Variants in NRG3 observed in about 807,000 individuals in gnomAD.
NRG3 encodes the protein pro-neuregulin-3, membrane-bound isoform.
NRG3 carries 31 observed loss-of-function variants against 66.9 expected under a neutral mutation model. That is an observed-to-expected ratio of 0.46 (90% CI 0.35 to 0.63). The LOEUF is 0.63. Ranked by LOEUF, NRG3 falls within the 20% of genes least tolerant of loss-of-function variation. NRG3 has a pLI of 0.00. For missense variants in NRG3, 910 were observed against 878.9 expected, an observed-to-expected ratio of 1.04 and a Z score of -0.45; for synonymous variants, 393 against 359.4, an observed-to-expected ratio of 1.09 and a Z score of -1.06.
At chr10:82,281,031 A>C (rs2079095019) in intron 1 of NRG3, among the ~76,000 whole-genome samples, 1 of 152,202 alleles carries the variant, frequency 6.6e-6, no homozygotes, top group African/African-American at 2.4e-5. Context: ...TCTTTTGTGC[A>C]AAATGGCCCT....
At chr10:82,365,544 A>T (rs1342527778) in intron 2 of NRG3, among the ~76,000 whole-genome samples, 1 of 152,222 alleles carries the variant, frequency 6.6e-6, no homozygotes. Context: ...TTGTCATGAT[A>T]GTCTTAGAAA....
chr10:82,504,029 G>A (rs1371638598), intron 2 of NRG3, among the ~76,000 whole-genome samples: 1 of 152,122 alleles, frequency 6.6e-6, no homozygotes. Flanking sequence ...CTGAAATACT[G>A]CCTGTAGAAG....
intron 2 of NRG3, among the ~76,000 whole-genome samples, chr10:82,437,694 G>T (rs2090216185): frequency 6.6e-6 from 1 of 152,094 alleles, no homozygotes; most frequent in African/African-American, 2.4e-5. Context: ...GGTCTTTGAG[G>T]TTGCTGATCC....
At chr10:82,132,806 T>TTGTA (rs1458872340) in intron 1 of NRG3, among the ~76,000 whole-genome samples, 1 of 151,492 alleles carries the variant, frequency 6.6e-6, no homozygotes, top group Admixed American at 6.6e-5. Context: ...TCTTGGTAGG[T>TTGTA]TGTATGTATC....
intron 2 of NRG3, among the ~76,000 whole-genome samples, chr10:82,544,556 GT>G (rs910172488): frequency 3.3e-5 from 5 of 152,114 alleles, no homozygotes; most frequent in African/African-American, 1.2e-4. Flanking sequence ...GATTGGGTTT[GT>G]TCTCACTTGT....
chr10:82,836,170 T>C (rs1417099171), intron 3 of NRG3, among the ~76,000 whole-genome samples: 1 of 152,176 alleles, frequency 6.6e-6, no homozygotes, highest in Non-Finnish European at 1.5e-5. Flanking sequence ...CTATTGTCTA[T>C]GGTGGCTTTA....
chr10:82,620,190 T>C (rs1368925976), intron 2 of NRG3, among the ~76,000 whole-genome samples: 1 of 152,150 alleles, frequency 6.6e-6, no homozygotes, highest in East Asian at 1.9e-4. Context: ...CATTGTTATG[T>C]TATCAGCTCA....
At chr10:82,119,399 T>C (rs985845781) in intron 1 of NRG3, among the ~76,000 whole-genome samples, 1 of 152,172 alleles carries the variant, frequency 6.6e-6, no homozygotes, top group African/African-American at 2.4e-5. Context: ...TATAAAATGA[T>C]GGAAGGTTTT....
At chr10:82,719,406 A>G (rs2057164419) in intron 2 of NRG3, among the ~76,000 whole-genome samples, 1 of 152,238 alleles carries the variant, frequency 6.6e-6, no homozygotes, top group South Asian at 2.1e-4. Flanking sequence ...TATAGAATAT[A>G]TGGTCAAGCC....
chr10:82,811,308 C>G (rs2061484726), intron 3 of NRG3, among the ~76,000 whole-genome samples: 1 of 152,194 alleles, frequency 6.6e-6, no homozygotes, highest in African/African-American at 2.4e-5. Context: ...ATCACCAGAG[C>G]CTACTTCTGT....
intron 1 of NRG3, among the ~76,000 whole-genome samples, chr10:82,169,162 C>G (rs930118818): frequency 2.0e-5 from 3 of 152,010 alleles, no homozygotes; most frequent in Admixed American, 2.0e-4. Context: ...TTTATTTCAG[C>G]TTCATATTGG....
chr10:81,916,185 G>A (rs917357563), intron 1 of NRG3, among the ~76,000 whole-genome samples: 2 of 152,116 alleles, frequency 1.3e-5, no homozygotes, highest in Non-Finnish European at 2.9e-5. Flanking sequence ...CTTATGGCTA[G>A]TGGGGACCAT....
chr10:82,957,436 A>G (rs151196424), intron 5 of NRG3, among the ~76,000 whole-genome samples: 1 of 151,870 alleles, frequency 6.6e-6, no homozygotes, highest in Non-Finnish European at 1.5e-5. Context: ...GTTGGAAGAC[A>G]GGCAAAATTC....
chr10:82,843,589 T>A (rs558382392), intron 3 of NRG3, among the ~76,000 whole-genome samples: 1 of 152,352 alleles, frequency 6.6e-6, no homozygotes, highest in East Asian at 1.9e-4. Flanking sequence ...CTTAAGCATA[T>A]TAGTTATTAA....
chr10:81,999,331 CTT>C (rs2061074158), intron 1 of NRG3, among the ~76,000 whole-genome samples: 1 of 152,120 alleles, frequency 6.6e-6, no homozygotes, highest in African/African-American at 2.4e-5. Context: ...ATTTCTAAAA[CTT>C]ATCCCAAAAT....
chr10:82,196,027 G>T (rs993942573), intron 1 of NRG3, among the ~76,000 whole-genome samples: 10 of 152,190 alleles, frequency 6.6e-5, no homozygotes, highest in African/African-American at 2.2e-4. Flanking sequence ...TGTGTGTGCT[G>T]TTTTAAGCCA....
At chr10:82,927,548 G>A (rs1221369126) in intron 4 of NRG3, among the ~76,000 whole-genome samples, 1 of 151,982 alleles carries the variant, frequency 6.6e-6, no homozygotes, top group Non-Finnish European at 1.5e-5. Flanking sequence ...CTGTGTCCAT[G>A]TGTTCTCATT....
At chr10:82,019,418 C>A (rs2061951182) in intron 1 of NRG3, among the ~76,000 whole-genome samples, 2 of 152,068 alleles carry the variant, frequency 1.3e-5, no homozygotes, top group African/African-American at 4.8e-5. Context: ...TGTGTCTCTG[C>A]CAGGCTTTGG....
chr10:81,877,203 G>T (rs1419153347), intron 1 of NRG3, among the ~76,000 whole-genome samples: 1 of 152,104 alleles, frequency 6.6e-6, no homozygotes, highest in Non-Finnish European at 1.5e-5. Flanking sequence ...TATAAATGTT[G>T]TAGGTGACTA....
Sources: allele counts gnomAD v4.1 joint callset (sites outside exome capture counted in the v4.1 genomes callset), GRCh38; gene constraint gnomAD v4.1.1; transcripts MANE v1.5; gene names NCBI Gene and HGNC (gene_info 2026-07-23, HGNC 2026-07-21).